The following ABTB2 variants were observed in gnomAD, a reference collection of about 807,000 sequenced individuals.
ABTB2 encodes the protein ankyrin repeat and BTB/POZ domain-containing protein 2.
Under a neutral mutation model 104.1 loss-of-function variants are expected in ABTB2, and 56 were observed. That is an observed-to-expected ratio of 0.54 (90% CI 0.43 to 0.67). The LOEUF (loss-of-function observed/expected upper bound fraction) is 0.67. ABTB2 is among the 30% of genes least tolerant of loss of function. The probability of loss-of-function intolerance (pLI) is 0.00; values close to 1 mark genes in which losing one functional copy is unlikely to be tolerated. For synonymous variants in ABTB2, 606 were observed against 608.2 expected, an observed-to-expected ratio of 1.00 and a Z score of 0.05; for missense variants, 1,279 against 1,407.7, an observed-to-expected ratio of 0.91 and a Z score of 1.46.
At chr11:34,354,416 G>A (rs1165381883) in intron 1 of ABTB2, among the ~76,000 whole-genome samples, 2 of 140,854 alleles carry the variant, frequency 1.4e-5, no homozygotes, top group African/African-American at 5.2e-5. Context: ...TGGAGCCCAG[G>A]AGTTTGAAAC....
chr11:34,265,836 G>A lies in ABTB2; in HGVS notation c.884-61146C>T, dbSNP rs556079179. On this transcript the variant is annotated intron_variant, in intron 1 of 16. Coordinates refer to ENST00000435224, the MANE Select transcript of ABTB2 (RefSeq NM_145804.3). ...ATACAAAAATTAGCTGGGCATGGTG[G>A]CAGGTGCCTGTAACCCCAGCTACTC... 2.0e-5 allele frequency among the ~76,000 whole-genome samples: 3 copies of A among 151,834 alleles called. No homozygotes were observed. The South Asian group carries it at 6.3e-4, about 32-fold the overall frequency.
chr11:34,235,380 C>T (rs931205124), intron 1 of ABTB2, among the ~76,000 whole-genome samples: 8 of 152,136 alleles, frequency 5.3e-5, no homozygotes, highest in South Asian at 2.1e-4. Context: ...ATCTGTAAAG[C>T]GGATATGGTT....
chr11:34,164,768 T>C lies in ABTB2; in HGVS notation c.1906A>G (p.Ser636Gly). The change falls in exon 9 of 17, where the codon AGC (serine) becomes GGC (glycine). Residue 636 changes from serine to glycine, a missense_variant. Coordinates refer to ENST00000435224, the MANE Select transcript of ABTB2 (RefSeq NM_145804.3). ...CCCATGCCGTGGGCCTCCAGCATGC[T>C]GAGGAGGGGGTCGGCGCCTCGGCTC... ...LLSRGADPLL[S>G]MLEAHGMGSS... 6.4e-7 allele frequency: 1 copy of C among 1,566,086 alleles called. No homozygotes were observed. The highest frequency in any genetic ancestry group is 2.4e-5 in the East Asian group (1 of 41,546).
intron 1 of ABTB2, among the ~76,000 whole-genome samples, chr11:34,354,111 T>C (rs111996802): frequency 6.6e-6 from 1 of 152,166 alleles, no homozygotes; most frequent in Admixed American, 6.5e-5. Context: ...CTGGTTTTCA[T>C]GTATAAAAAA....
chr11:34,229,017 G>A (rs1250731017), intron 1 of ABTB2, among the ~76,000 whole-genome samples: 1 of 151,630 alleles, frequency 6.6e-6, no homozygotes, highest in African/African-American at 2.4e-5. Flanking sequence ...TACTCGGGAG[G>A]CTGAGGCAGG....
At chr11:34,210,633 T>C (rs1301153997) in intron 1 of ABTB2, among the ~76,000 whole-genome samples, 5 of 152,092 alleles carry the variant, frequency 3.3e-5, no homozygotes, top group African/African-American at 9.7e-5. Flanking sequence ...AATGGGACAG[T>C]GAGTGTGGTA....
Position 34,162,753 on chromosome 11 carries a change from G to A in ABTB2, c.2041C>T (p.Leu681=), listed in dbSNP as rs933917835. 5.6e-6 allele frequency: 9 copies of A among 1,610,042 alleles called. No homozygotes were observed. The highest frequency in any genetic ancestry group is 5.9e-6 in the Non-Finnish European group (7 of 1,180,018). The part of the protein sequence containing the change: ...TQPQQAKADV[L]SLEEILAEGV... ...TCGGCCAGGATCTCCTCCAGGGACA[G>A]CACGTCCGCTTTAGCCTGCTGTGGC... The change falls in exon 10 of 17, where the codon CTG becomes TTG. Residue 681 remains leucine (L), a synonymous_variant. Coordinates refer to ENST00000435224, the MANE Select transcript of ABTB2 (RefSeq NM_145804.3).
chr11:34,326,213 G>A (rs1046554981), intron 1 of ABTB2, among the ~76,000 whole-genome samples: 1 of 151,928 alleles, frequency 6.6e-6, no homozygotes, highest in Non-Finnish European at 1.5e-5. Flanking sequence ...GGAAAATACC[G>A]ATTCTAAGTT....
At chr11:34,265,627 C>T (rs1395568116) in intron 1 of ABTB2, among the ~76,000 whole-genome samples, 6 of 138,316 alleles carry the variant, frequency 4.3e-5, no homozygotes, top group Non-Finnish European at 4.6e-5. Flanking sequence ...CATTGCACTC[C>T]AGCCTGGGCA....
At chr11:34,200,201 C>A (rs568130410) in intron 2 of ABTB2, among the ~76,000 whole-genome samples, 3 of 152,304 alleles carry the variant, frequency 2.0e-5, no homozygotes, top group East Asian at 3.9e-4. Flanking sequence ...ATCAAAGAGT[C>A]TGTGATAGCA....
At chr11:34,212,301 C>T (rs1418546955) in intron 1 of ABTB2, among the ~76,000 whole-genome samples, 1 of 152,180 alleles carries the variant, frequency 6.6e-6, no homozygotes, top group Non-Finnish European at 1.5e-5. Context: ...AAGTGATCCA[C>T]CTGCCTTGAC....
Position 34,152,317 on chromosome 11 carries a change from A to G in ABTB2, c.*70T>C. ...TGAACCTGGCTCCAAGAGGGCCTACAACCATACCCCGACATGGTGGGCCCT... is the reference window on the plus strand; with the variant it reads ...TGAACCTGGCTCCAAGAGGGCCTACGACCATACCCCGACATGGTGGGCCCT... On this transcript the variant is annotated 3_prime_UTR_variant, in exon 17 of 17. Transcript: ENST00000435224. 3 of 1,490,266 alleles carry G rather than the reference A, an allele frequency of 2.0e-6. No individual in the cohort carries two copies. Among genetic ancestry groups the G allele is most frequent in the Non-Finnish European group, 1.8e-6 (2 of 1,112,722 alleles). The allele number at this position is 1,490,266 out of a possible 1,614,324, so 92.3% of individuals were successfully genotyped here.
intron 2 of ABTB2, among the ~76,000 whole-genome samples, chr11:34,203,786 G>A (rs1437695258): frequency 6.6e-6 from 1 of 152,202 alleles, no homozygotes; most frequent in Non-Finnish European, 1.5e-5. Context: ...CACAAACGGA[G>A]AAGGCCGGAG....
chr11:34,157,342 A>C (rs1852643019), intron 14 of ABTB2, among the ~76,000 whole-genome samples: 1 of 152,282 alleles, frequency 6.6e-6, no homozygotes, highest in African/African-American at 2.4e-5. Flanking sequence ...GTGGACCTGA[A>C]GCCTGTCCCC....
chr11:34,353,272 C>T (rs1443663269), intron 1 of ABTB2, among the ~76,000 whole-genome samples: 1 of 151,978 alleles, frequency 6.6e-6, no homozygotes, highest in African/African-American at 2.4e-5. Flanking sequence ...TAAAATGCCA[C>T]AGACACTCAC....
chr11:34,160,487 G>C (rs1191211827), intron 11 of ABTB2, 134 bp from the exon 12 acceptor site: 1 of 680,632 alleles, frequency 1.5e-6, no homozygotes, highest in Non-Finnish European at 2.6e-6. Context: ...TGCTGGATGT[G>C]GCTTGGCAAG....
At chr11:34,174,054 G>T (rs748362475) in intron 3 of ABTB2, among the ~76,000 whole-genome samples, 2 of 152,218 alleles carry the variant, frequency 1.3e-5, no homozygotes, top group Non-Finnish European at 2.9e-5. Context: ...AGTGGCCTCG[G>T]CCGGGCTCGG....
Position 34,154,538 on chromosome 11 carries a change from C to T in ABTB2, c.2767-160G>A, listed in dbSNP as rs567168738. On this transcript the variant is annotated intron_variant, in intron 15 of 16. Coordinates refer to ENST00000435224, the MANE Select transcript of ABTB2 (RefSeq NM_145804.3). This position sits in a 1 kb window ranked among gnomAD's most constrained non-coding sequence, Gnocchi z 4.9. ...GGGCCTAACCATCCCCGCTGGGACACGCACTGAGGCTGGGCTCAGTGGTGT... is the reference window on the plus strand; with the variant it reads ...GGGCCTAACCATCCCCGCTGGGACATGCACTGAGGCTGGGCTCAGTGGTGT... Among the ~76,000 whole-genome samples the T allele has an allele frequency of 2.1e-4, 32 of 152,306 alleles. No individual in the cohort carries two copies. The highest frequency in any genetic ancestry group is 6.3e-4 in the African/African-American group (26 of 41,578).
chr11:34,215,791 A>G (rs551369238), intron 1 of ABTB2, among the ~76,000 whole-genome samples: 2 of 152,202 alleles, frequency 1.3e-5, no homozygotes, highest in Non-Finnish European at 2.9e-5. Flanking sequence ...AAATAAAAAT[A>G]TTTTTATTAA....
Sources: allele counts gnomAD v4.1 joint callset (sites outside exome capture counted in the v4.1 genomes callset), GRCh38; gene constraint gnomAD v4.1.1; non-coding constraint Gnocchi (gnomAD v3.1); transcripts MANE v1.5; gene names NCBI Gene and HGNC (gene_info 2026-07-23, HGNC 2026-07-21).